The following CMSS1 variants were observed in gnomAD, a reference collection of about 807,000 sequenced individuals.
CMSS1 encodes cms1 ribosomal small subunit homolog, also known as protein CMSS1.
In CMSS1, 33 loss-of-function variants were observed where a neutral mutation model predicts 43.5. The ratio of observed to expected loss-of-function variants is 0.76; its 90% CI spans 0.57 to 1.01. The LOEUF is 1.01. Ranked by LOEUF, CMSS1 falls within the 50% of genes least tolerant of loss-of-function variation. The pLI, the probability that CMSS1 is intolerant of heterozygous loss-of-function variation, is 0.00. For synonymous variants in CMSS1, 115 were observed against 117.2 expected (o/e 0.98, Z 0.12); for missense variants, 313 against 326.4 (o/e 0.96, Z 0.32).
intron 9 of CMSS1, among the ~76,000 whole-genome samples, chr3:100,176,988 A>C (rs1254161462): frequency 2.0e-5 from 3 of 152,206 alleles, no homozygotes; most frequent in African/African-American, 7.2e-5. Flanking sequence ...TTATCATCAT[A>C]ATGTGAAAAA....
intron 1 of CMSS1, among the ~76,000 whole-genome samples, chr3:100,076,925 T>A (rs1469869833): frequency 1.3e-5 from 2 of 152,248 alleles, no homozygotes; most frequent in East Asian, 3.8e-4. Flanking sequence ...AAAAATTACT[T>A]TTCAAATTAC....
chr3:100,119,587 GA>G (rs1175146475), intron 1 of CMSS1, among the ~76,000 whole-genome samples: 2 of 152,190 alleles, frequency 1.3e-5, no homozygotes, highest in African/African-American at 4.8e-5. Flanking sequence ...TCATAGAATT[GA>G]TGCATCTTTG....
intron 1 of CMSS1, among the ~76,000 whole-genome samples, chr3:99,992,755 G>A (rs939218878): frequency 5.3e-5 from 8 of 151,882 alleles, no homozygotes; most frequent in African/African-American, 1.9e-4. Flanking sequence ...AATGTCTACA[G>A]TAGTTTTTCT....
In CMSS1 at chr3:99,971,348, A is replaced by G. The variant is rs980658417; in HGVS notation, c.64+153305A>G. Among the ~76,000 whole-genome samples the G allele has an allele frequency of 1.2e-3, 182 of 151,542 alleles. 5 individuals carry two copies. Among genetic ancestry groups the G allele is most frequent in the Admixed American group, 0.011 (171 of 15,206 alleles). Reference sequence around the variant, plus strand: ...GAGCCCATCTCAAAAAAAAAAAAAAAAGAGAATATGGGATGCTGGAACCCA... The same window carrying G: ...GAGCCCATCTCAAAAAAAAAAAAAAGAGAGAATATGGGATGCTGGAACCCA... On this transcript the variant is annotated intron_variant, in intron 1 of 9. Transcript: ENST00000421999.
chr3:99,826,178 AAT>A (rs1387825505), intron 1 of CMSS1, among the ~76,000 whole-genome samples: 1 of 152,194 alleles, frequency 6.6e-6, no homozygotes, highest in East Asian at 1.9e-4. Context: ...CACAGCTTGA[AAT>A]ATAGTTTCCC....
At chr3:100,008,482 T>C (rs1302864653) in intron 1 of CMSS1, among the ~76,000 whole-genome samples, 3 of 152,192 alleles carry the variant, frequency 2.0e-5, no homozygotes, top group Non-Finnish European at 4.4e-5. Flanking sequence ...ATTCTCATTC[T>C]CCAGGACTTC....
chr3:99,982,365 G>T, intron 1 of CMSS1, among the ~76,000 whole-genome samples: 1 of 150,950 alleles, frequency 6.6e-6, no homozygotes. Context: ...TTTGAGACAG[G>T]GTCTCACTCT....
intron 1 of CMSS1, among the ~76,000 whole-genome samples, chr3:100,048,380 G>A (rs1273885572): frequency 1.3e-5 from 2 of 152,180 alleles, no homozygotes; most frequent in East Asian, 3.9e-4. Context: ...TATGGCAGCT[G>A]CTTGAAGCAT....
chr3:99,953,068 T>A (rs185265506), intron 1 of CMSS1, among the ~76,000 whole-genome samples: 4 of 152,312 alleles, frequency 2.6e-5, no homozygotes, highest in African/African-American at 2.4e-5. Flanking sequence ...AAAATTGTCA[T>A]CTTGATAAAA....
intron 1 of CMSS1, among the ~76,000 whole-genome samples, chr3:99,895,988 A>G (rs1225891332): frequency 1.3e-5 from 2 of 152,210 alleles, no homozygotes; most frequent in Non-Finnish European, 1.5e-5. Context: ...GGCTCACTGG[A>G]GGAGGGAACC....
chr3:100,169,594 A>C (rs537409428), intron 6 of CMSS1, among the ~76,000 whole-genome samples: 1 of 152,370 alleles, frequency 6.6e-6, no homozygotes, highest in African/African-American at 2.4e-5. Context: ...TCCTTTCTCC[A>C]CTGAAGTGGA....
chr3:99,903,860 G>A (rs1404541850), intron 1 of CMSS1, among the ~76,000 whole-genome samples: 2 of 152,006 alleles, frequency 1.3e-5, no homozygotes, highest in East Asian at 3.9e-4. Context: ...AGAAATAATA[G>A]AGCTGTCGTC....
chr3:100,162,692 G>A (rs2067034630), intron 4 of CMSS1, among the ~76,000 whole-genome samples: 1 of 152,014 alleles, frequency 6.6e-6, no homozygotes, highest in Admixed American at 6.5e-5. Flanking sequence ...CATACTTTCA[G>A]GCCAGGCACA....
At chr3:99,997,389 C>T (rs1314357084) in intron 1 of CMSS1, among the ~76,000 whole-genome samples, 2 of 152,192 alleles carry the variant, frequency 1.3e-5, no homozygotes, top group Non-Finnish European at 2.9e-5. Flanking sequence ...CTTTTTAATC[C>T]TCACAAGTGT....
In CMSS1 at chr3:99,834,200, C is replaced by T. The variant is rs548768815; in HGVS notation, c.64+16157C>T. On this transcript the variant is annotated intron_variant, in intron 1 of 9. Coordinates refer to ENST00000421999, the MANE Select transcript of CMSS1 (RefSeq NM_032359.4). Reference sequence around the variant, plus strand: ...TGAAACTTTATCACTACAAGTTTTACGCTTTATACAGGAAAGGGTCTTTCA... The same window carrying T: ...TGAAACTTTATCACTACAAGTTTTATGCTTTATACAGGAAAGGGTCTTTCA... Among the ~76,000 whole-genome samples, 18 of 152,260 alleles carry T rather than the reference C, an allele frequency of 1.2e-4. No homozygotes were observed. In the South Asian group the frequency reaches 2.9e-3, roughly 25 times the overall value.
intron 1 of CMSS1, among the ~76,000 whole-genome samples, chr3:99,902,192 T>C (rs932392014): frequency 6.6e-6 from 1 of 152,216 alleles, no homozygotes; most frequent in Non-Finnish European, 1.5e-5. Flanking sequence ...CTCTTAGTAT[T>C]CGAGACATTC....
At chr3:99,914,852 A>G (rs1048209262) in intron 1 of CMSS1, among the ~76,000 whole-genome samples, 1 of 152,222 alleles carries the variant, frequency 6.6e-6, no homozygotes, top group African/African-American at 2.4e-5. Context: ...GTTGTGATGC[A>G]CCTGTGTGAT....
At chr3:99,954,185 A>G (rs1043500734) in intron 1 of CMSS1, among the ~76,000 whole-genome samples, 1 of 152,242 alleles carries the variant, frequency 6.6e-6, no homozygotes, top group Non-Finnish European at 1.5e-5. Flanking sequence ...ACAAACTTGA[A>G]GATCAGGAAG....
At chr3:100,154,473 C>T (rs2130369) in intron 2 of CMSS1, among the ~76,000 whole-genome samples, 62,815 of 151,852 alleles carry the variant, frequency 0.41, 13,200 homozygotes, top group African/African-American at 0.48. Context: ...GGTTGCTGTA[C>T]ATCCTTGTCA....
Sources: gnomAD v4.1 joint callset for allele counts (sites outside exome capture counted in the v4.1 genomes callset) on GRCh38, gnomAD v4.1.1 for gene constraint, MANE v1.5 for transcripts, NCBI Gene and HGNC (gene_info 2026-07-23, HGNC 2026-07-21) for gene names.